GALNT13: variants seen among roughly 807,000 people sequenced by gnomAD.
GALNT13 encodes polypeptide N-acetylgalactosaminyltransferase 13.
A neutral mutation model predicts 64.2 loss-of-function variants in GALNT13; 28 were observed. The ratio of observed to expected loss-of-function variants is 0.44; its 90% confidence interval spans 0.32 to 0.60. GALNT13 has a LOEUF of 0.60. Among genes scored for constraint, GALNT13 ranks in the 20% least tolerant of loss-of-function variants. GALNT13 has a pLI of 0.05. For synonymous variants in GALNT13, 214 were observed against 224.6 expected, an observed-to-expected ratio of 0.95 and a Z score of 0.42; for missense variants, 577 against 669.8, an observed-to-expected ratio of 0.86 and a Z score of 1.53.
the GALNT13 span, among the ~76,000 whole-genome samples, chr2:153,693,570 T>C: frequency 4.0e-3 from 614 of 152,134 alleles, 2 homozygotes; most frequent in African/African-American, 0.014. Context: ...CACGTTACAA[T>C]AGAATGCGTG....
At chr2:154,277,897 T>C (rs1691738374) in intron 8 of GALNT13, among the ~76,000 whole-genome samples, 1 of 152,184 alleles carries the variant, frequency 6.6e-6, no homozygotes, top group Non-Finnish European at 1.5e-5. Context: ...ATTTTTGGTA[T>C]GGAATTATTA....
chr2:153,439,913 C>A, the GALNT13 span, among the ~76,000 whole-genome samples: 1 of 152,196 alleles, frequency 6.6e-6, no homozygotes, highest in Non-Finnish European at 1.5e-5. Flanking sequence ...GTGTCGCTCA[C>A]GCTGGGAGCT....
At chr2:153,876,264 G>A (rs1204840300) in intron 1 of GALNT13, among the ~76,000 whole-genome samples, 1 of 151,256 alleles carries the variant, frequency 6.6e-6, no homozygotes, top group Non-Finnish European at 1.5e-5. Flanking sequence ...GCATATGTTT[G>A]AAAACGTAAA....
intron 9 of GALNT13, among the ~76,000 whole-genome samples, chr2:154,341,412 A>G (rs1445758681): frequency 6.6e-6 from 1 of 152,132 alleles, no homozygotes; most frequent in East Asian, 1.9e-4. Flanking sequence ...AACTGCTGAG[A>G]TGGAGGTGTG....
At chr2:153,421,417 G>A in the GALNT13 span, 2 of 226,560 alleles carry the variant, frequency 8.8e-6, no homozygotes, top group South Asian at 8.7e-5. Flanking sequence ...CTGCAAGGTG[G>A]TACTGGTGGT....
At chr2:154,422,773 A>G (rs1413107933) in intron 11 of GALNT13, among the ~76,000 whole-genome samples, 1 of 152,190 alleles carries the variant, frequency 6.6e-6, no homozygotes, top group East Asian at 1.9e-4. Flanking sequence ...CCAGTGTCCA[A>G]TTCATGGTTT....
chr2:153,260,170 T>A, the GALNT13 span, among the ~76,000 whole-genome samples: 1 of 152,250 alleles, frequency 6.6e-6, no homozygotes, highest in Non-Finnish European at 1.5e-5. Context: ...GGTCTATGTC[T>A]TGAAAAGTTA....
the GALNT13 span, among the ~76,000 whole-genome samples, chr2:153,669,476 A>G: frequency 6.6e-6 from 1 of 152,182 alleles, no homozygotes; most frequent in East Asian, 1.9e-4. Flanking sequence ...TATAAAACAA[A>G]CCTGCACATG....
chr2:153,222,993 C>T, the GALNT13 span, among the ~76,000 whole-genome samples: 1 of 152,240 alleles, frequency 6.6e-6, no homozygotes, highest in Non-Finnish European at 1.5e-5. Flanking sequence ...GTGACTTCCG[C>T]CTGTTCCCGG....
chr2:154,240,526 C>T (rs919754344), intron 4 of GALNT13, among the ~76,000 whole-genome samples: 3 of 152,092 alleles, frequency 2.0e-5, no homozygotes, highest in African/African-American at 7.2e-5. Flanking sequence ...TTGCCTTCTC[C>T]CTCTCACACG....
chr2:154,449,426 C>CAAAA (rs201483247), intron 12 of GALNT13, among the ~76,000 whole-genome samples: 1 of 105,868 alleles, frequency 9.4e-6, no homozygotes, highest in South Asian at 3.3e-4. Flanking sequence ...TATCATGAGC[C>CAAAA]AAAAAAAAAA....
chr2:153,225,657 A>C, the GALNT13 span, among the ~76,000 whole-genome samples: 1 of 152,240 alleles, frequency 6.6e-6, no homozygotes, highest in Non-Finnish European at 1.5e-5. Flanking sequence ...TCCAATATAT[A>C]ATTGTTGCTT....
chr2:153,564,062 C>A, the GALNT13 span, among the ~76,000 whole-genome samples: 6 of 152,098 alleles, frequency 3.9e-5, no homozygotes, highest in Non-Finnish European at 8.8e-5. Context: ...GTGCTCCTTT[C>A]TCTACCCTAC....
chr2:154,054,381 C>A (rs1173493222), intron 3 of GALNT13, among the ~76,000 whole-genome samples: 1 of 151,672 alleles, frequency 6.6e-6, no homozygotes, highest in Non-Finnish European at 1.5e-5. Context: ...CATTCTTTTC[C>A]TCTGCTATTA....
the GALNT13 span, among the ~76,000 whole-genome samples, chr2:153,543,604 A>G: frequency 2.0e-5 from 3 of 152,220 alleles, no homozygotes; most frequent in Non-Finnish European, 4.4e-5. Context: ...TGGTGGCTGA[A>G]CTGAGCCTTT....
At chr2:153,533,943 G>C in the GALNT13 span, among the ~76,000 whole-genome samples, 4 of 149,706 alleles carry the variant, frequency 2.7e-5, no homozygotes, top group African/African-American at 7.4e-5. Context: ...TTGCTATATT[G>C]CCCAGGCAGG....
chr2:153,344,071 A>G, the GALNT13 span, among the ~76,000 whole-genome samples: 2 of 151,916 alleles, frequency 1.3e-5, no homozygotes, highest in South Asian at 4.1e-4. Context: ...TTTTTCCCTG[A>G]AACATTTGAG....
At chr2:154,149,492 C>T (rs908825246) in intron 4 of GALNT13, among the ~76,000 whole-genome samples, 3 of 152,070 alleles carry the variant, frequency 2.0e-5, no homozygotes, top group Non-Finnish European at 4.4e-5. Flanking sequence ...ATGGGGATGG[C>T]ATTGAATCTA....
chr2:154,177,603 G>A (rs1007819374), intron 4 of GALNT13, among the ~76,000 whole-genome samples: 3 of 152,072 alleles, frequency 2.0e-5, no homozygotes, highest in Non-Finnish European at 2.9e-5. Context: ...CTCAACCATT[G>A]TAATTAAAGT....
Sources: gnomAD v4.1 joint callset for allele counts (sites outside exome capture counted in the v4.1 genomes callset) on GRCh38, gnomAD v4.1.1 for gene constraint, MANE v1.5 for transcripts, NCBI Gene and HGNC (gene_info 2026-07-23, HGNC 2026-07-21) for gene names.